The following MTUS1 variants were observed in gnomAD, a reference collection of about 807,000 sequenced individuals.
MTUS1 encodes microtubule-associated tumor suppressor 1.
A neutral mutation model predicts 120.8 loss-of-function variants in MTUS1; 109 were observed. That is an observed-to-expected ratio of 0.90 (90% CI 0.77 to 1.06). The LOEUF is 1.06. Among genes scored for constraint, MTUS1 ranks in the 50% least tolerant of loss-of-function variants. The pLI is 0.00. For synonymous variants in MTUS1, 737 were observed against 550.5 expected (o/e 1.34, Z -4.74); for missense variants, 2,210 against 1,486.3 (o/e 1.49, Z -8.01).
At chr8:17,785,919 A>G (rs2051265137) in intron 1 of MTUS1, among the ~76,000 whole-genome samples, 4 of 152,186 alleles carry the variant, frequency 2.6e-5, no homozygotes, top group Admixed American at 2.0e-4. Context: ...CCAAAACAAG[A>G]GAATCTATTG....
At chr8:17,676,751 A>G (rs1217803339) in intron 7 of MTUS1, among the ~76,000 whole-genome samples, 1 of 152,164 alleles carries the variant, frequency 6.6e-6, no homozygotes, top group African/African-American at 2.4e-5. Flanking sequence ...ATTTGATCAC[A>G]CTTACTAATA....
intron 3 of MTUS1, among the ~76,000 whole-genome samples, chr8:17,725,417 T>C (rs1353838774): frequency 6.6e-6 from 1 of 152,198 alleles, no homozygotes; most frequent in Non-Finnish European, 1.5e-5. Context: ...ATGGCTCTCC[T>C]ACATCCATGT....
chr8:17,763,849 C>G (rs1421553236), intron 1 of MTUS1, among the ~76,000 whole-genome samples: 1 of 152,208 alleles, frequency 6.6e-6, no homozygotes, highest in African/African-American at 2.4e-5. Context: ...TATGTACCAC[C>G]TCTGGGCCTG....
At chr8:17,672,283 T>C (rs1224798903) in intron 8 of MTUS1, among the ~76,000 whole-genome samples, 1 of 152,216 alleles carries the variant, frequency 6.6e-6, no homozygotes, top group African/African-American at 2.4e-5. Context: ...TAACACTTGG[T>C]GCTAGATGCT....
At chr8:17,721,895 C>T in intron 4 of MTUS1, 1 of 1,612,788 alleles carries the variant, frequency 6.2e-7, no homozygotes, top group Non-Finnish European at 8.5e-7. Context: ...CCTCCTGGTA[C>T]AGTCATTTAA....
intron 6 of MTUS1, among the ~76,000 whole-genome samples, chr8:17,690,200 A>T (rs1377241593): frequency 6.6e-6 from 1 of 152,204 alleles, no homozygotes; most frequent in Non-Finnish European, 1.5e-5. Context: ...CCAATAAAAA[A>T]TGGGCAAAGG....
intron 3 of MTUS1, among the ~76,000 whole-genome samples, chr8:17,731,120 A>G (rs2046545930): frequency 6.6e-6 from 1 of 152,216 alleles, no homozygotes; most frequent in South Asian, 2.1e-4. Context: ...CAGAGATATA[A>G]AAATTCAGGA....
At chr8:17,654,506 T>A (rs1020963341) in intron 10 of MTUS1, 55 bp downstream of exon 10, 17 of 1,169,912 alleles carry the variant, frequency 1.5e-5, no homozygotes, top group Non-Finnish European at 2.2e-5. Flanking sequence ...TCTTAAAACA[T>A]CATGTGGTTC....
intron 1 of MTUS1, among the ~76,000 whole-genome samples, chr8:17,770,130 A>G (rs913773684): frequency 6.6e-6 from 1 of 152,204 alleles, no homozygotes; most frequent in African/African-American, 2.4e-5. Context: ...TTGCTTAATG[A>G]GAGTTTTTGT....
At chr8:17,741,079 A>G (rs1418297392) in intron 3 of MTUS1, among the ~76,000 whole-genome samples, 1 of 151,748 alleles carries the variant, frequency 6.6e-6, no homozygotes, top group African/African-American at 2.4e-5. Context: ...CCACATTCCC[A>G]CATTGGCCAG....
At chr8:17,647,309 C>T (rs1200042137) in intron 13 of MTUS1, 4 of 432,412 alleles carry the variant, frequency 9.3e-6, no homozygotes, top group South Asian at 6.9e-5. Flanking sequence ...AATATTGATA[C>T]GAGTGGGTAA....
chr8:17,645,083 T>C lies in MTUS1; in HGVS notation c.*843A>G, dbSNP rs565999533. The stretch of plus-strand genomic sequence containing the variant: ...GTTAGTTAGTTAGTTTGTTTTTTTA[T>C]AGAAAAATTAGGGTTCTACATTTAC... On this transcript the variant is annotated 3_prime_UTR_variant, in exon 15 of 15. Coordinates refer to ENST00000693296, the MANE Select transcript of MTUS1 (RefSeq NM_001363059.2). 18 of 152,572 alleles carry C rather than the reference T, an allele frequency of 1.2e-4. No homozygotes were observed. In the East Asian group the frequency reaches 1.5e-3, roughly 13 times the overall value. 9.5% of individuals were successfully genotyped at this position (152,572 alleles called of 1,614,324 possible).
chr8:17,749,793 C>G (rs541837250), intron 2 of MTUS1, among the ~76,000 whole-genome samples: 1 of 152,158 alleles, frequency 6.6e-6, no homozygotes, highest in African/African-American at 2.4e-5. Context: ...TACTGATTGA[C>G]GTCTTATGTC....
intron 1 of MTUS1, among the ~76,000 whole-genome samples, chr8:17,761,472 T>C (rs2049032946): frequency 6.6e-6 from 1 of 152,338 alleles, no homozygotes; most frequent in East Asian, 1.9e-4. Flanking sequence ...CTGCATGACG[T>C]GACCAAATCA....
chr8:17,797,319 G>A (rs181411346), intron 1 of MTUS1, among the ~76,000 whole-genome samples: 71 of 152,216 alleles, frequency 4.7e-4, no homozygotes, highest in African/African-American at 1.5e-3. Context: ...AGGCTGAGGC[G>A]GGAGGATAGC....
At chr8:17,789,753 A>C (rs1202021764) in intron 1 of MTUS1, among the ~76,000 whole-genome samples, 1 of 152,224 alleles carries the variant, frequency 6.6e-6, no homozygotes, top group Non-Finnish European at 1.5e-5. Flanking sequence ...ATACACATTT[A>C]ACTCACAGCA....
At chr8:17,668,438 A>G (rs1166798493) in intron 8 of MTUS1, among the ~76,000 whole-genome samples, 1 of 152,170 alleles carries the variant, frequency 6.6e-6, no homozygotes, top group Admixed American at 6.6e-5. Context: ...ATTCAACATG[A>G]CTCTGGAAAG....
chr8:17,646,707 G>T (rs1239457050), intron 14 of MTUS1, among the ~76,000 whole-genome samples: 1 of 152,156 alleles, frequency 6.6e-6, no homozygotes, highest in African/African-American at 2.4e-5. Context: ...TTTCTATTTG[G>T]TTTTGTGTTG....
intron 1 of MTUS1, among the ~76,000 whole-genome samples, chr8:17,773,496 T>C (rs2050168038): frequency 6.6e-6 from 1 of 152,208 alleles, no homozygotes; most frequent in Non-Finnish European, 1.5e-5. Context: ...GGGTAACTTA[T>C]AAGCCATCAA....
Sources: gnomAD v4.1 joint callset for allele counts (sites outside exome capture counted in the v4.1 genomes callset) on GRCh38, gnomAD v4.1.1 for gene constraint, MANE v1.5 for transcripts, NCBI Gene and HGNC (gene_info 2026-07-23, HGNC 2026-07-21) for gene names.